The following ETV6 variants were observed in gnomAD, a reference collection of about 807,000 sequenced individuals.
ETV6 encodes the protein transcription factor ETV6.
In ETV6, 16 loss-of-function variants were observed where a neutral mutation model predicts 51.1. The ratio of observed to expected loss-of-function variants is 0.31; its 90% CI spans 0.21 to 0.48. ETV6 has a LOEUF of 0.48. Ranked by LOEUF, ETV6 falls within the 20% of genes least tolerant of loss-of-function variation. ETV6 has a pLI of 0.99. For synonymous variants in ETV6, 240 were observed against 224.1 expected (o/e 1.07, Z -0.64); for missense variants, 458 against 594.8 (o/e 0.77, Z 2.39).
intron 1 of ETV6, among the ~76,000 whole-genome samples, chr12:11,736,425 AT>A (rs1239541896): frequency 6.6e-6 from 1 of 152,204 alleles, no homozygotes; most frequent in Non-Finnish European, 1.5e-5. Context: ...GATAGGTGAC[AT>A]TTGGTGTCAA....
chr12:11,749,349 A>C (rs201226880), intron 1 of ETV6, among the ~76,000 whole-genome samples: 61 of 123,760 alleles, frequency 4.9e-4, no homozygotes, highest in Middle Eastern at 4.3e-3. Flanking sequence ...ACACACACAC[A>C]CCCCTACTCC....
At chr12:11,652,478 A>G (rs1340227809) in intron 1 of ETV6, among the ~76,000 whole-genome samples, 2 of 152,216 alleles carry the variant, frequency 1.3e-5, no homozygotes. Context: ...TCCAGTAAAC[A>G]ATATGCTTTT....
chr12:11,674,177 CT>C (rs1341996253), intron 1 of ETV6, among the ~76,000 whole-genome samples: 1 of 152,164 alleles, frequency 6.6e-6, no homozygotes, highest in Non-Finnish European at 1.5e-5. Flanking sequence ...AGATCGTTCG[CT>C]TCCTTCCTTT....
At chr12:11,651,482 T>G in intron 1 of ETV6, among the ~76,000 whole-genome samples, 1 of 152,272 alleles carries the variant, frequency 6.6e-6, no homozygotes, top group East Asian at 1.9e-4. Context: ...CAAAAGGTGG[T>G]TTGGGCTTCT....
In ETV6 at chr12:11,752,433, G is replaced by A; in HGVS notation, c.34-17G>A. 1.9e-6 allele frequency: 3 copies of A among 1,597,992 alleles called. No homozygotes were observed. Among genetic ancestry groups the A allele is most frequent in the Non-Finnish European group, 2.6e-6 (3 of 1,169,356 alleles). ...GTCTCTCTCCCCCTCCCCTCTTCCT[G>A]CCCTTATTTTTAACAGCAGGAACGA... On this transcript the variant is annotated splice_polypyrimidine_tract_variant and intron_variant, in intron 1 of 7. Transcript: ENST00000396373.
At chr12:11,781,915 AC>A (rs931394944) in intron 2 of ETV6, among the ~76,000 whole-genome samples, 1 of 152,236 alleles carries the variant, frequency 6.6e-6, no homozygotes, top group African/African-American at 2.4e-5. Flanking sequence ...CCTGTGGCAT[AC>A]CGCTAGAGAC....
intron 2 of ETV6, among the ~76,000 whole-genome samples, chr12:11,822,556 T>C (rs2136437808): frequency 6.6e-6 from 1 of 152,162 alleles, no homozygotes; most frequent in East Asian, 1.9e-4. Context: ...TTTAACCTAA[T>C]GTCCTGCTGC....
At chr12:11,890,013 C>T (rs1947262596) in intron 7 of ETV6, among the ~76,000 whole-genome samples, 2 of 152,102 alleles carry the variant, frequency 1.3e-5, no homozygotes, top group Admixed American at 6.5e-5. Context: ...TCCAGTTTAA[C>T]CCATTGAACA....
intron 3 of ETV6, among the ~76,000 whole-genome samples, chr12:11,852,335 C>T (rs996250805): frequency 6.6e-6 from 1 of 152,202 alleles, no homozygotes; most frequent in African/African-American, 2.4e-5. Flanking sequence ...AGATGATTTT[C>T]TAGAGATTGT....
intron 1 of ETV6, among the ~76,000 whole-genome samples, chr12:11,705,791 C>A (rs955775072): frequency 3.3e-5 from 5 of 152,260 alleles, no homozygotes; most frequent in Non-Finnish European, 1.5e-5. Context: ...AAGCCCCTGT[C>A]TGCCCACTCA....
At chr12:11,796,962 A>G (rs1202585602) in intron 2 of ETV6, among the ~76,000 whole-genome samples, 1 of 152,008 alleles carries the variant, frequency 6.6e-6, no homozygotes. Context: ...AATTTTTAAA[A>G]TTTTTGTAGA....
chr12:11,814,070 G>A (rs1945954922), intron 2 of ETV6, among the ~76,000 whole-genome samples: 1 of 152,122 alleles, frequency 6.6e-6, no homozygotes, highest in South Asian at 2.1e-4. Context: ...CTGATTTTCT[G>A]TGAATTGCAA....
intron 1 of ETV6, among the ~76,000 whole-genome samples, chr12:11,733,356 C>T (rs1224420297): frequency 7.4e-6 from 1 of 134,270 alleles, no homozygotes; most frequent in South Asian, 2.4e-4. Flanking sequence ...TGCAGTGAGC[C>T]GAGATCGCAC....
intron 2 of ETV6, among the ~76,000 whole-genome samples, chr12:11,817,919 G>T (rs548045231): frequency 6.6e-6 from 1 of 152,340 alleles, no homozygotes; most frequent in South Asian, 2.1e-4. Context: ...ATTTTTAGAA[G>T]GAGGCTTCCT....
At position 11,847,704 on chromosome 12, in the gene ETV6, G is replaced by A. The variant is rs1946485672; in HGVS notation, c.329-5723G>A. Among the ~76,000 whole-genome samples the A allele has an allele frequency of 2.6e-5, 4 of 152,212 alleles. No homozygotes were observed. In the South Asian group the frequency reaches 8.3e-4, roughly 32 times the overall value. On this transcript the variant is annotated intron_variant, in intron 3 of 7. Coordinates refer to ENST00000396373, the MANE Select transcript of ETV6 (RefSeq NM_001987.5). The stretch of plus-strand genomic sequence containing the variant: ...ACCTGAGCAAAAGCAGATTGGAGAA[G>A]GGTGGGAGTGGGAACCAGAATGGAA...
chr12:11,832,969 A>T (rs1946265615), intron 2 of ETV6, among the ~76,000 whole-genome samples: 1 of 152,266 alleles, frequency 6.6e-6, no homozygotes, highest in Non-Finnish European at 1.5e-5. Flanking sequence ...AAAGCCACAG[A>T]TGACGTGAAA....
At chr12:11,807,394 C>G (rs540514035) in intron 2 of ETV6, among the ~76,000 whole-genome samples, 11 of 152,286 alleles carry the variant, frequency 7.2e-5, no homozygotes, top group Admixed American at 1.3e-4. Context: ...AAAGTACAGA[C>G]AGATCCACAT....
At chr12:11,883,276 C>CTTCTT (rs776231778) in intron 5 of ETV6, among the ~76,000 whole-genome samples, 4 of 79,116 alleles carry the variant, frequency 5.1e-5, no homozygotes, top group African/African-American at 3.0e-4. Context: ...ATGTCTTCTT[C>CTTCTT]TTTTTTTTTT....
chr12:11,869,346 C>A lies in ETV6; in HGVS notation c.464-78C>A. The A allele has an allele frequency of 7.5e-7, 1 of 1,329,326 alleles. No individual in the cohort carries two copies. The highest frequency in any genetic ancestry group is 1.0e-6 in the Non-Finnish European group (1 of 958,688). 82.3% of individuals were successfully genotyped at this position (1,329,326 alleles called of 1,614,324 possible). On this transcript the variant is annotated intron_variant, in intron 4 of 7. Coordinates refer to ENST00000396373, the MANE Select transcript of ETV6 (RefSeq NM_001987.5). The surrounding 1 kb of genome is among the most constrained non-coding windows in gnomAD (Gnocchi z 5.0). ...ACATACCTACACGCTCCTCCATTTA[C>A]CGCCTGTAGAGCCGCAGGGAGTTTC...
Sources: gnomAD v4.1 joint callset for allele counts (sites outside exome capture counted in the v4.1 genomes callset) on GRCh38, gnomAD v4.1.1 for gene constraint, Gnocchi (gnomAD v3.1) non-coding constraint, MANE v1.5 for transcripts, NCBI Gene and HGNC (gene_info 2026-07-23, HGNC 2026-07-21) for gene names.